Variants in BTG3 observed in about 807,000 individuals in gnomAD.
BTG3 encodes BTG anti-proliferation factor 3.
In BTG3, 4 loss-of-function variants were observed where a neutral mutation model predicts 25.8. The observed-to-expected ratio is 0.16, with a 90% CI of 0.08 to 0.36. The LOEUF is 0.36. Ranked by LOEUF, BTG3 falls within the 10% of genes least tolerant of loss-of-function variation. The pLI is 1.00. For synonymous variants in BTG3, 107 were observed against 99.9 expected, an observed-to-expected ratio of 1.07 and a Z score of -0.42; for missense variants, 201 against 304.9, an observed-to-expected ratio of 0.66 and a Z score of 2.54.
At chr21:17,610,073 C>T (rs905337730) in intron 1 of BTG3, among the ~76,000 whole-genome samples, 8 of 152,148 alleles carry the variant, frequency 5.3e-5, no homozygotes, top group Non-Finnish European at 7.4e-5. Flanking sequence ...AAGCCAGTCA[C>T]AAATGACCAC....
intron 3 of BTG3, chr21:17,604,083 G>C: frequency 8.2e-7 from 1 of 1,225,686 alleles, no homozygotes; most frequent in Non-Finnish European, 1.1e-6. Flanking sequence ...TATTCATTAG[G>C]AGATGTGAAA....
In BTG3 at chr21:17,594,010, A is replaced by G. The variant is rs966825357; in HGVS notation, c.*83T>C. 5.4e-6 allele frequency: 8 copies of G among 1,480,170 alleles called. No homozygotes were observed. Among genetic ancestry groups the G allele is most frequent in the Non-Finnish European group, 5.4e-6 (6 of 1,103,458 alleles). The allele number at this position is 1,480,170 out of a possible 1,614,324, so 91.7% of individuals were successfully genotyped here. A position where few individuals can be genotyped will look rare whatever the true frequency, so the allele number is the denominator to read the frequency against. ...TGGCCCATCTAACTTCACTACTATT[A>G]GTAAGAACTTTTAACTTTTAATGTG... On this transcript the variant is annotated 3_prime_UTR_variant, in exon 5 of 5. Coordinates refer to ENST00000348354, the MANE Select transcript of BTG3 (RefSeq NM_006806.5).
At chr21:17,599,502 A>G (rs2061545904) in intron 3 of BTG3, among the ~76,000 whole-genome samples, 7 of 100,952 alleles carry the variant, frequency 6.9e-5, no homozygotes, top group East Asian at 2.9e-4. Flanking sequence ...TTTGAGACGG[A>G]GTCTCACTCT....
rs765466233 is a variant in BTG3, at chr21:17,594,315, A to G, written c.537T>C (p.Phe179=). 1.9e-6 allele frequency: 3 copies of G among 1,612,902 alleles called. No individual in the cohort carries two copies. Among genetic ancestry groups the G allele is most frequent in the Non-Finnish European group, 2.5e-6 (3 of 1,179,200 alleles). The change falls in exon 5 of 5, where the codon TTT becomes TTC. Residue 179 remains phenylalanine (F), a synonymous_variant. Transcript: ENST00000348354. ...SPVYQISELI[F]PPLPMWHPLP... ...AAGGGTGCCACATTGGAAGAGGTGG[A>G]AATATAAGTTCTGAAATCTGTAGGG...
intron 3 of BTG3, among the ~76,000 whole-genome samples, chr21:17,602,611 G>A (rs2061588588): frequency 6.6e-6 from 1 of 152,048 alleles, no homozygotes; most frequent in African/African-American, 2.4e-5. Flanking sequence ...ACACTCGCAG[G>A]TGATTTCTAT....
rs143261518 is a variant in BTG3, at chr21:17,593,760, ATAAAG to A, written c.*328_*332del. The A allele has an allele frequency of 6.1e-4, 128 of 211,518 alleles. 1 individual carries two copies. The East Asian group carries it at 9.9e-3, about 16-fold the overall frequency. 13.1% of individuals were successfully genotyped at this position (211,518 alleles called of 1,614,324 possible). On this transcript the variant is annotated 3_prime_UTR_variant, in exon 5 of 5. Coordinates refer to ENST00000348354, the MANE Select transcript of BTG3 (RefSeq NM_006806.5). Reference sequence around the variant, plus strand: ...TATATAAATAACTTACATACGCTCCATAAAGTAAATTCTCAAAGGTGCTAGAACAA... The same window carrying A: ...TATATAAATAACTTACATACGCTCCATAAATTCTCAAAGGTGCTAGAACAA...
In BTG3 at chr21:17,594,435, T is replaced by C. The variant is rs1186840155; in HGVS notation, c.520-103A>G. On this transcript the variant is annotated intron_variant, in intron 4 of 4. Transcript: ENST00000348354. ...AACAAAGTTACCCACAACACTGAGA[T>C]CACATCTAAGTGACACTCCTATTGT... is the stretch of plus-strand genomic sequence containing the variant. 2.2e-6 allele frequency: 3 copies of C among 1,355,480 alleles called. No individual in the cohort carries two copies. In the African/African-American group the frequency reaches 4.4e-5, roughly 20 times the overall value. 84.0% of individuals were successfully genotyped at this position (1,355,480 alleles called of 1,614,324 possible). A position where few individuals can be genotyped will look rare whatever the true frequency, so the allele number is the denominator to read the frequency against.
At chr21:17,600,976 A>G (rs1167698862) in intron 3 of BTG3, among the ~76,000 whole-genome samples, 1 of 152,204 alleles carries the variant, frequency 6.6e-6, no homozygotes. Context: ...AGCCTGGCCA[A>G]CATGGTGAAA....
chr21:17,604,746 G>A (rs965338709), intron 3 of BTG3, 114 bp downstream of exon 3: 3 of 1,306,276 alleles, frequency 2.3e-6, no homozygotes, highest in Non-Finnish European at 3.1e-6. Context: ...ATCTGAGAGA[G>A]TTAAACCACC....
At chr21:17,610,164 G>C (rs1043703753) in intron 1 of BTG3, among the ~76,000 whole-genome samples, 1 of 152,214 alleles carries the variant, frequency 6.6e-6, no homozygotes, top group African/African-American at 2.4e-5. Context: ...GGCCTACGGG[G>C]AAGTGGGAAA....
At chr21:17,596,135 T>C (rs947589266) in intron 4 of BTG3, among the ~76,000 whole-genome samples, 4 of 152,020 alleles carry the variant, frequency 2.6e-5, no homozygotes, top group Non-Finnish European at 5.9e-5. Context: ...TTGAATCATT[T>C]ACCTTTTACT....
intron 3 of BTG3, among the ~76,000 whole-genome samples, chr21:17,603,550 G>C (rs1363330709): frequency 1.3e-5 from 2 of 152,144 alleles, no homozygotes; most frequent in Non-Finnish European, 2.9e-5. Flanking sequence ...AGGTCAGTCT[G>C]CGACCACCTT....
At chr21:17,605,663 A>G (rs974135430) in intron 2 of BTG3, among the ~76,000 whole-genome samples, 16 of 152,240 alleles carry the variant, frequency 1.1e-4, no homozygotes, top group East Asian at 5.8e-4. Context: ...CTAAACCAAT[A>G]AAGCCTCTGT....
At position 17,608,203 on chromosome 21, in the gene BTG3, A is replaced by T. The variant is rs939281794; in HGVS notation, c.173+769T>A. On this transcript the variant is annotated intron_variant, in intron 2 of 4. Coordinates refer to ENST00000348354, the MANE Select transcript of BTG3 (RefSeq NM_006806.5). ...TAACACAGCAAGATCCCATCTATAC[A>T]AAAAAAAATTTGTTTTTAAATTAGC... Among the ~76,000 whole-genome samples, 4 of 151,844 alleles carry T rather than the reference A, an allele frequency of 2.6e-5. No individual in the cohort carries two copies. The East Asian group carries it at 7.7e-4, about 29-fold the overall frequency.
chr21:17,610,629 G>A (rs2061707766), intron 1 of BTG3, among the ~76,000 whole-genome samples: 1 of 152,148 alleles, frequency 6.6e-6, no homozygotes, highest in Admixed American at 6.5e-5. Context: ...GATGTATGTT[G>A]TCTCTACTCA....
At chr21:17,596,183 G>C (rs1012083226) in intron 4 of BTG3, among the ~76,000 whole-genome samples, 8 of 151,804 alleles carry the variant, frequency 5.3e-5, no homozygotes, top group African/African-American at 1.9e-4. Context: ...GTATATTCTG[G>C]AAATAAGTCC....
Position 17,593,830 on chromosome 21 carries a change from GA to G in BTG3, c.*262del. 1 of 410,508 alleles carries G rather than the reference GA, an allele frequency of 2.4e-6. No individual in the cohort carries two copies. The highest frequency in any genetic ancestry group is 4.3e-6 in the Non-Finnish European group (1 of 232,856). The allele number at this position is 410,508 out of a possible 1,614,324, so 25.4% of individuals were successfully genotyped here. ...CAGTGTTCTCGTATCCAACAGAGTT[GA>G]TGCACAATATATAAATACTCAAGTC... On this transcript the variant is annotated 3_prime_UTR_variant, in exon 5 of 5. Coordinates refer to ENST00000348354, the MANE Select transcript of BTG3 (RefSeq NM_006806.5).
At chr21:17,597,623 T>C (rs986926357) in intron 4 of BTG3, among the ~76,000 whole-genome samples, 6 of 152,074 alleles carry the variant, frequency 3.9e-5, no homozygotes, top group Middle Eastern at 6.9e-3. Context: ...GCCAGGTACA[T>C]GTTATATACA....
chr21:17,594,908 C>A (rs1471551244), intron 4 of BTG3, among the ~76,000 whole-genome samples: 1 of 151,820 alleles, frequency 6.6e-6, no homozygotes, highest in African/African-American at 2.4e-5. Flanking sequence ...GGCTTCACAC[C>A]TGGGTGATGA....
Sources: gnomAD v4.1 joint callset for allele counts (sites outside exome capture counted in the v4.1 genomes callset) on GRCh38, gnomAD v4.1.1 for gene constraint, MANE v1.5 for transcripts, NCBI Gene and HGNC (gene_info 2026-07-23, HGNC 2026-07-21) for gene names.